The following RAPGEF4 variants were observed in gnomAD, a reference collection of about 807,000 sequenced individuals.
The protein encoded by RAPGEF4 is Rap guanine nucleotide exchange factor 4.
A neutral mutation model predicts 147.9 loss-of-function variants in RAPGEF4; 66 were observed. That is an observed-to-expected ratio of 0.45 (90% CI 0.37 to 0.55). The LOEUF is 0.55. RAPGEF4 is among the 20% of genes least tolerant of loss of function. The pLI is 0.00. For synonymous variants in RAPGEF4, 419 were observed against 442.7 expected (o/e 0.95, Z 0.67); for missense variants, 1,071 against 1,257.3 (o/e 0.85, Z 2.24).
chr2:173,040,533 G>A (rs963828710), intron 29 of RAPGEF4, among the ~76,000 whole-genome samples: 3 of 152,200 alleles, frequency 2.0e-5, no homozygotes, highest in African/African-American at 4.8e-5. Flanking sequence ...GCCAGGGGCC[G>A]AGGTCACCAG....
At chr2:172,856,467 T>C (rs906327731) in intron 4 of RAPGEF4, among the ~76,000 whole-genome samples, 9 of 152,334 alleles carry the variant, frequency 5.9e-5, no homozygotes, top group Admixed American at 2.0e-4. Flanking sequence ...TTTTTGTGTG[T>C]CTTTGCATGT....
intron 4 of RAPGEF4, among the ~76,000 whole-genome samples, chr2:172,816,263 T>A (rs1688492619): frequency 6.6e-6 from 1 of 151,970 alleles, no homozygotes. Flanking sequence ...TCTCTCTCTC[T>A]CTCTCTCCTC....
intron 1 of RAPGEF4, among the ~76,000 whole-genome samples, chr2:172,758,729 AAG>A (rs201348930): frequency 0.014 from 2,164 of 152,256 alleles, 51 homozygotes; most frequent in African/African-American, 0.049. Context: ...TATGACGCGG[AAG>A]GCTGTAGATA....
At chr2:173,045,028 C>T (rs952480923) in intron 29 of RAPGEF4, among the ~76,000 whole-genome samples, 1 of 152,200 alleles carries the variant, frequency 6.6e-6, no homozygotes, top group African/African-American at 2.4e-5. Context: ...CCTGCTGCAG[C>T]AGTTGGATAA....
intron 5 of RAPGEF4, among the ~76,000 whole-genome samples, chr2:172,921,876 T>C (rs1684799793): frequency 6.6e-6 from 1 of 152,274 alleles, no homozygotes; most frequent in African/African-American, 2.4e-5. Context: ...TAGAGCCGAG[T>C]GGAGTGGTTT....
intron 18 of RAPGEF4, 102 bp from the exon 19 acceptor site, chr2:173,016,247 C>A: frequency 1.4e-6 from 1 of 737,428 alleles, no homozygotes; most frequent in Non-Finnish European, 2.4e-6. Context: ...TCTGGAGATG[C>A]TGGTGAAGCA....
chr2:172,967,553 A>G (rs1689982129), intron 10 of RAPGEF4, 109 bp downstream of exon 10: 10 of 1,179,342 alleles, frequency 8.5e-6, no homozygotes, highest in Non-Finnish European at 1.2e-5. Flanking sequence ...GCCATCCCCC[A>G]TGGAACAAAA....
rs140071324 is a variant in RAPGEF4, at chr2:172,802,984, T to G, written c.297+5371T>G. On this transcript the variant is annotated intron_variant, in intron 3 of 30. Transcript: ENST00000397081. ...GCTGACGCAAGAGGTGGAAGGCGTG[T>G]TCCCATCGTCTTGGGCAGCTTGGTC... Among the ~76,000 whole-genome samples the G allele has an allele frequency of 3.9e-3, 589 of 152,316 alleles. 3 individuals carry two copies. The highest frequency in any genetic ancestry group is 0.014 in the African/African-American group (575 of 41,568).
intron 10 of RAPGEF4, among the ~76,000 whole-genome samples, chr2:172,969,376 A>T (rs1690218916): frequency 6.6e-6 from 1 of 152,264 alleles, no homozygotes; most frequent in Non-Finnish European, 1.5e-5. Context: ...TCACAGCTGC[A>T]TTACATGCTA....
chr2:172,791,282 GA>G (rs1685799112), intron 1 of RAPGEF4, among the ~76,000 whole-genome samples: 1 of 152,170 alleles, frequency 6.6e-6, no homozygotes, highest in Admixed American at 6.5e-5. Context: ...TCCATGCATG[GA>G]AATAAGGGGG....
chr2:172,981,205 G>C (rs897700621), intron 10 of RAPGEF4, among the ~76,000 whole-genome samples: 1 of 152,158 alleles, frequency 6.6e-6, no homozygotes, highest in South Asian at 2.1e-4. Flanking sequence ...CTTCTAGGAG[G>C]GTTCCCTGTT....
intron 1 of RAPGEF4, among the ~76,000 whole-genome samples, chr2:172,750,370 G>A (rs577843842): frequency 6.6e-6 from 1 of 152,074 alleles, no homozygotes; most frequent in South Asian, 2.1e-4. Context: ...TCTTATATTG[G>A]CGGCAGGCAA....
intron 29 of RAPGEF4, among the ~76,000 whole-genome samples, chr2:173,041,272 T>A (rs184309590): frequency 6.6e-6 from 1 of 152,214 alleles, no homozygotes; most frequent in East Asian, 1.9e-4. Context: ...AAAAAAAGAA[T>A]CTCTAAGTAA....
intron 23 of RAPGEF4, among the ~76,000 whole-genome samples, chr2:173,021,321 G>C (rs563042447): frequency 6.6e-6 from 1 of 152,324 alleles, no homozygotes; most frequent in Admixed American, 6.5e-5. Context: ...CCAGAATTTG[G>C]TATGTAGGTG....
At chr2:172,960,880 A>T in intron 7 of RAPGEF4, 67 bp downstream of exon 7, 1 of 1,306,138 alleles carries the variant, frequency 7.7e-7, no homozygotes, top group Non-Finnish European at 1.1e-6. Flanking sequence ...GAGGTGGTCC[A>T]TATGTCAGGG....
intron 1 of RAPGEF4, among the ~76,000 whole-genome samples, chr2:172,771,486 A>G (rs1300257414): frequency 2.0e-5 from 3 of 152,138 alleles, no homozygotes; most frequent in Non-Finnish European, 4.4e-5. Context: ...GAAAAAATAT[A>G]TAGCATATTG....
At chr2:172,898,373 T>C (rs1050180282) in intron 4 of RAPGEF4, among the ~76,000 whole-genome samples, 3 of 152,168 alleles carry the variant, frequency 2.0e-5, no homozygotes, top group African/African-American at 7.2e-5. Flanking sequence ...CACTCAGCAT[T>C]ACCAGACCGT....
At chr2:173,016,482 T>C (rs1465422865) in intron 19 of RAPGEF4, 45 bp downstream of exon 19, 2 of 1,462,782 alleles carry the variant, frequency 1.4e-6, no homozygotes, top group Middle Eastern at 1.7e-4. Flanking sequence ...ATCAAGTAAA[T>C]CTCAAAAAGT....
chr2:172,789,036 G>C (rs1346809400), intron 1 of RAPGEF4, among the ~76,000 whole-genome samples: 1 of 152,132 alleles, frequency 6.6e-6, no homozygotes, highest in Non-Finnish European at 1.5e-5. Context: ...TTTCTTGTTG[G>C]CTGTCAGTCA....
Sources: gnomAD v4.1 joint callset for allele counts (sites outside exome capture counted in the v4.1 genomes callset) on GRCh38, gnomAD v4.1.1 for gene constraint, MANE v1.5 for transcripts, NCBI Gene and HGNC (gene_info 2026-07-23, HGNC 2026-07-21) for gene names.